Variants in GRIA3 observed in about 807,000 individuals in gnomAD.
GRIA3 encodes the protein glutamate ionotropic receptor AMPA type subunit 3.
Under a neutral mutation model 63.0 loss-of-function variants are expected in GRIA3, and 3 were observed. The ratio of observed to expected loss-of-function variants is 0.05; its 90% confidence interval spans 0.02 to 0.12. GRIA3 has a LOEUF of 0.12. GRIA3 is among the 10% of genes least tolerant of loss of function. The probability of loss-of-function intolerance (pLI) is 1.00; values close to 1 mark genes in which losing one functional copy is unlikely to be tolerated. For missense variants in GRIA3, 347 were observed against 700.9 expected (o/e 0.50, Z 5.70); for synonymous variants, 274 against 257.9 (o/e 1.06, Z -0.60).
At chrX:123,439,212 G>A (rs1325641968) in intron 12 of GRIA3, among the ~76,000 whole-genome samples, 1 of 112,153 alleles carries the variant, frequency 8.9e-6, no homozygotes, top group Non-Finnish European at 1.9e-5. Context: ...GCAGGCAAAG[G>A]ATGATAAAAA....
At chrX:123,384,434 G>A (rs1344609730) in intron 5 of GRIA3, among the ~76,000 whole-genome samples, 1 of 111,700 alleles carries the variant, frequency 9.0e-6, no homozygotes, top group East Asian at 2.8e-4. Context: ...AGACCAGCCT[G>A]GCCAACATGG....
intron 5 of GRIA3, among the ~76,000 whole-genome samples, chrX:123,377,971 C>T (rs184298555): frequency 1.2e-4 from 13 of 112,194 alleles, no homozygotes; most frequent in Non-Finnish European, 2.3e-4. Flanking sequence ...AAATCATACA[C>T]CTCCTGTCCT....
chrX:123,473,782 G>A (rs769335036), intron 13 of GRIA3, among the ~76,000 whole-genome samples: 1 of 111,768 alleles, frequency 8.9e-6, no homozygotes, highest in Non-Finnish European at 1.9e-5. Context: ...TTCCATTCTC[G>A]TCATCCAGAT....
At chrX:123,223,881 G>A (rs2044231291) in intron 2 of GRIA3, among the ~76,000 whole-genome samples, 3 of 112,413 alleles carry the variant, frequency 2.7e-5, no homozygotes, top group African/African-American at 9.7e-5. Context: ...GTGCTTTGTT[G>A]TAGACCCTTG....
intron 5 of GRIA3, among the ~76,000 whole-genome samples, chrX:123,356,646 G>T (rs749380993): frequency 3.2e-4 from 36 of 111,801 alleles, no homozygotes; most frequent in African/African-American, 8.1e-4. Context: ...AATAGCAAGG[G>T]GGATAAAGAG....
intron 13 of GRIA3, among the ~76,000 whole-genome samples, chrX:123,477,676 G>T (rs978214228): frequency 4.5e-5 from 5 of 112,039 alleles, no homozygotes; most frequent in Non-Finnish European, 7.5e-5. Context: ...GAGAACAACT[G>T]CTCTAAACTG....
At chrX:123,338,031 C>T (rs2044985110) in intron 4 of GRIA3, among the ~76,000 whole-genome samples, 1 of 111,937 alleles carries the variant, frequency 8.9e-6, no homozygotes, top group Non-Finnish European at 1.9e-5. Flanking sequence ...GCCCCTTCAC[C>T]ATTTGGTGTC....
chrX:123,312,629 C>T (rs756939760), intron 3 of GRIA3, among the ~76,000 whole-genome samples: 27 of 111,663 alleles, frequency 2.4e-4, no homozygotes, highest in Non-Finnish European at 1.7e-4. Flanking sequence ...AACACACAAA[C>T]TTGTTTGTGG....
At chrX:123,369,530 A>G (rs1241985182) in intron 5 of GRIA3, among the ~76,000 whole-genome samples, 2 of 112,025 alleles carry the variant, frequency 1.8e-5, no homozygotes, top group Non-Finnish European at 3.8e-5. Flanking sequence ...TCTGGCCTCA[A>G]TTTTCAAAAT....
In GRIA3 at chrX:123,185,957, G is replaced by A; in HGVS notation, c.235G>A (p.Asp79Asn). 1 of 1,207,856 alleles carries A rather than the reference G, an allele frequency of 8.3e-7. No homozygotes were observed. Among genetic ancestry groups the A allele is most frequent in the Non-Finnish European group, 1.1e-6 (1 of 892,819 alleles). Residue 79 changes from aspartate to asparagine, a missense_variant, in exon 2 of 16, where the codon GAT (aspartate) becomes AAT (asparagine). By Grantham distance (23) the Asp-to-Asn change is conservative (BLOSUM62 1). Coordinates refer to ENST00000620443, the MANE Select transcript of GRIA3 (RefSeq NM_007325.5). ...FHLNYHVDHL[D>N]SSNSFSVTNA... ...TTTGAATTACCACGTAGATCACTTG[G>A]ATTCCTCCAATAGTTTTTCCGTGAC... is the stretch of plus-strand genomic sequence containing the variant.
chrX:123,379,248 G>T (rs1412972583), intron 5 of GRIA3, among the ~76,000 whole-genome samples: 2 of 111,362 alleles, frequency 1.8e-5, no homozygotes, highest in Non-Finnish European at 3.8e-5. Context: ...TATACTCTAT[G>T]TTTTATAGTG....
At chrX:123,262,261 A>G (rs1603054538) in intron 3 of GRIA3, among the ~76,000 whole-genome samples, 2 of 111,473 alleles carry the variant, frequency 1.8e-5, no homozygotes, top group South Asian at 7.7e-4. Flanking sequence ...ATGCTCAATG[A>G]CTTTTAGCTC....
At chrX:123,331,592 C>T (rs2044942258) in intron 4 of GRIA3, among the ~76,000 whole-genome samples, 1 of 111,664 alleles carries the variant, frequency 9.0e-6, no homozygotes, top group African/African-American at 3.3e-5. Flanking sequence ...TGGTACTGCC[C>T]AGTTCCTCTC....
chrX:123,215,485 T>C (rs183114531), intron 2 of GRIA3, among the ~76,000 whole-genome samples: 1 of 111,767 alleles, frequency 8.9e-6, no homozygotes, highest in African/African-American at 3.3e-5. Flanking sequence ...TACAGCACTA[T>C]GATGTCAGCA....
chrX:123,438,585 C>T (rs143386681), intron 12 of GRIA3, among the ~76,000 whole-genome samples: 1,677 of 111,960 alleles, frequency 0.015, 34 homozygotes, highest in African/African-American at 0.051. Context: ...TGCAGTGGCA[C>T]AATCTCAGCT....
intron 2 of GRIA3, among the ~76,000 whole-genome samples, chrX:123,228,154 A>C (rs1040710147): frequency 9.0e-6 from 1 of 111,526 alleles, no homozygotes; most frequent in East Asian, 2.8e-4. Context: ...TCAGCAGCCA[A>C]CTCCATGGAG....
intron 5 of GRIA3, among the ~76,000 whole-genome samples, chrX:123,365,896 GCTGGTTGCCCATTTTT>G (rs778836221): frequency 8.9e-6 from 1 of 112,113 alleles, no homozygotes; most frequent in East Asian, 2.8e-4. Context: ...CCCTAGGGCT[GCTGGTTGCCCATTTTT>G]ATGGTTATTT....
At chrX:123,200,604 T>TACAC (rs1227977653) in intron 2 of GRIA3, among the ~76,000 whole-genome samples, 3 of 68,354 alleles carry the variant, frequency 4.4e-5, no homozygotes, top group African/African-American at 1.7e-4. Flanking sequence ...CACACACACA[T>TACAC]ACATACACAC....
chrX:123,185,417 G>A (rs750630919), intron 1 of GRIA3, among the ~76,000 whole-genome samples: 18 of 107,101 alleles, frequency 1.7e-4, no homozygotes, highest in African/African-American at 5.8e-4. Flanking sequence ...GAACGGGTTG[G>A]GGTAGCAGGG....
Sources: allele counts gnomAD v4.1 joint callset (sites outside exome capture counted in the v4.1 genomes callset), GRCh38; gene constraint gnomAD v4.1.1; transcripts MANE v1.5; gene names NCBI Gene and HGNC (gene_info 2026-07-23, HGNC 2026-07-21).